PTPRA: variants seen among roughly 807,000 people sequenced by gnomAD.
PTPRA encodes receptor-type tyrosine-protein phosphatase alpha.
A neutral mutation model predicts 104.8 loss-of-function variants in PTPRA; 25 were observed. The observed-to-expected ratio is 0.24, with a 90% CI of 0.17 to 0.33. The LOEUF is 0.33. PTPRA is among the 10% of genes least tolerant of loss of function. The pLI, the probability that PTPRA is intolerant of heterozygous loss-of-function variation, is 1.00. For synonymous variants in PTPRA, 323 were observed against 368.9 expected (o/e 0.88, Z 1.43); for missense variants, 765 against 1,015.3 (o/e 0.75, Z 3.35).
chr20:2,888,485 G>A (rs145470179), intron 1 of PTPRA, among the ~76,000 whole-genome samples: 3,319 of 151,848 alleles, frequency 0.022, 104 homozygotes, highest in African/African-American at 0.063. Flanking sequence ...CTTAAGCCCA[G>A]GAGATCAAGG....
rs910575531 is a variant in PTPRA, at chr20:2,933,541, A to G, written c.-50+10256A>G. ...AGTGGTGCCATCTCTGCTCACTGCA[A>G]CCTCCACCTTCTGGGGTCAAATGAT... On this transcript the variant is annotated intron_variant, in intron 2 of 23. Coordinates refer to ENST00000399903, the MANE Select transcript of PTPRA (RefSeq NM_001385305.1). Among the ~76,000 whole-genome samples, 44 of 151,330 alleles carry G rather than the reference A, an allele frequency of 2.9e-4. 1 individual carries two copies. Among genetic ancestry groups the G allele is most frequent in the African/African-American group, 1.0e-3 (43 of 41,202 alleles).
intron 20 of PTPRA, among the ~76,000 whole-genome samples, chr20:3,032,198 T>C (rs1037493305): frequency 2.0e-5 from 3 of 152,066 alleles, no homozygotes; most frequent in Non-Finnish European, 2.9e-5. Flanking sequence ...CCAACTCTAT[T>C]CTCTCTTGTT....
At chr20:2,881,965 A>G (rs1052962161) in intron 1 of PTPRA, among the ~76,000 whole-genome samples, 4 of 152,084 alleles carry the variant, frequency 2.6e-5, no homozygotes, top group Non-Finnish European at 4.4e-5. Context: ...GCGCCGCTGT[A>G]CTCCAGCCTG....
At position 2,964,315 on chromosome 20, in the gene PTPRA, G is replaced by A. The variant is rs2061867507; in HGVS notation, c.38G>A (p.Gly13Asp). The change falls in exon 4 of 24, where the codon GGT becomes GAT. Residue 13 changes from glycine (G) to aspartate (D), a missense_variant. By Grantham distance (94) the Gly-to-Asp change is moderately conservative (BLOSUM62 -1). Around this residue, in one of 4 missense-constraint regions of PTPRA, gnomAD observed 256 missense variants for 248.9 expected, o/e 1.03. Transcript: ENST00000399903. The part of the protein sequence containing the change: ...SWFILVLLGS[G>D]LICVSANNAT... ...TTCATTCTTGTTCTGCTCGGCAGTGGTCTGATATGTGTCAGTGCCAACAAT... is the reference window on the plus strand; with the variant it reads ...TTCATTCTTGTTCTGCTCGGCAGTGATCTGATATGTGTCAGTGCCAACAAT... 6.2e-7 allele frequency: 1 copy of A among 1,608,962 alleles called. No individual in the cohort carries two copies. The highest frequency in any genetic ancestry group is 1.1e-5 in the South Asian group (1 of 89,644).
At chr20:2,943,151 G>T (rs896689040) in intron 2 of PTPRA, among the ~76,000 whole-genome samples, 2 of 150,748 alleles carry the variant, frequency 1.3e-5, no homozygotes, top group East Asian at 2.0e-4. Context: ...TACAGTTTAC[G>T]TAGGGTTCAG....
chr20:2,873,331 G>A (rs1006673390), upstream of PTPRA: 1 of 152,320 alleles, frequency 6.6e-6, no homozygotes, highest in East Asian at 1.9e-4. This position sits in a 1 kb window ranked among gnomAD's most constrained non-coding sequence, Gnocchi z 4.4. Flanking sequence ...CCAGGAGAAC[G>A]TGCGACCGGG....
chr20:2,977,655 A>G (rs796511165), intron 6 of PTPRA, among the ~76,000 whole-genome samples: 1 of 151,770 alleles, frequency 6.6e-6, no homozygotes, highest in East Asian at 1.9e-4. Context: ...AAAAAAAAAA[A>G]GGGCGGGGAT....
chr20:2,975,344 T>C, intron 6 of PTPRA, 103 bp downstream of exon 6: 1 of 1,055,296 alleles, frequency 9.5e-7, no homozygotes, highest in Non-Finnish European at 1.3e-6. Flanking sequence ...TCTGTGGCTG[T>C]GTTGTTTGTT....
chr20:2,976,788 A>C, intron 6 of PTPRA, among the ~76,000 whole-genome samples: 1 of 152,322 alleles, frequency 6.6e-6, no homozygotes, highest in East Asian at 1.9e-4. Context: ...TTGTATTATA[A>C]TCGGTTTGAT....
chr20:2,877,416 T>C (rs1223325271), intron 1 of PTPRA, among the ~76,000 whole-genome samples: 4 of 152,142 alleles, frequency 2.6e-5, no homozygotes, highest in African/African-American at 9.7e-5. Flanking sequence ...TGTGTCACTG[T>C]ACCTGGCTAA....
intron 2 of PTPRA, among the ~76,000 whole-genome samples, chr20:2,943,213 A>T (rs867079898): frequency 8.6e-6 from 1 of 116,518 alleles, no homozygotes; most frequent in African/African-American, 3.4e-5. Context: ...ATATCCCCCC[A>T]CCCCCCCCCC....
At chr20:2,906,558 C>T (rs1600092747) in intron 1 of PTPRA, among the ~76,000 whole-genome samples, 2 of 151,538 alleles carry the variant, frequency 1.3e-5, no homozygotes, top group South Asian at 2.1e-4. Context: ...AAATAATAAA[C>T]ACAATTTATT....
intron 1 of PTPRA, among the ~76,000 whole-genome samples, chr20:2,899,825 G>C (rs560671734): frequency 6.4e-4 from 97 of 152,180 alleles, no homozygotes; most frequent in South Asian, 1.0e-3. Context: ...AAAAATCTGA[G>C]GCCAGGCACA....
chr20:2,908,278 G>A (rs1271345484), intron 1 of PTPRA, among the ~76,000 whole-genome samples: 1 of 152,176 alleles, frequency 6.6e-6, no homozygotes, highest in African/African-American at 2.4e-5. Flanking sequence ...CAGACAGACA[G>A]TTGACTCCTT....
At chr20:2,954,746 G>A (rs942402715) in intron 3 of PTPRA, among the ~76,000 whole-genome samples, 1 of 152,070 alleles carries the variant, frequency 6.6e-6, no homozygotes, top group African/African-American at 2.4e-5. Flanking sequence ...TTGTGCTTTT[G>A]GTGTTATATC....
intron 13 of PTPRA, among the ~76,000 whole-genome samples, chr20:3,019,733 TGGA>T (rs1170698055): frequency 1.3e-5 from 2 of 151,486 alleles, no homozygotes; most frequent in Non-Finnish European, 2.9e-5. Context: ...TGCTGGGAGG[TGGA>T]GGTTGTAGCG....
chr20:2,884,030 A>G (rs2090227079), intron 1 of PTPRA, among the ~76,000 whole-genome samples: 2 of 152,112 alleles, frequency 1.3e-5, no homozygotes, highest in African/African-American at 4.8e-5. Context: ...TACTTAGCAT[A>G]ATGTTTCTGG....
In PTPRA at chr20:2,969,108, A is replaced by G. The variant is rs569653484; in HGVS notation, c.415+3906A>G. ...ATACTTGTAATCCCAGCTACTTGGG[A>G]GGCTGAGACATGAGAATTGCTTGAA... On this transcript the variant is annotated intron_variant, in intron 5 of 23. Transcript: ENST00000399903. Among the ~76,000 whole-genome samples, 9 of 151,980 alleles carry G rather than the reference A, an allele frequency of 5.9e-5. No individual in the cohort carries two copies. In the South Asian group the frequency reaches 6.2e-4, roughly 11 times the overall value.
intron 12 of PTPRA, among the ~76,000 whole-genome samples, chr20:3,016,505 T>C (rs1235324792): frequency 6.6e-6 from 1 of 152,210 alleles, no homozygotes; most frequent in African/African-American, 2.4e-5. Context: ...CCTAACACTT[T>C]GGGAGGCCAA....
Sources: allele counts gnomAD v4.1 joint callset (sites outside exome capture counted in the v4.1 genomes callset), GRCh38; gene constraint gnomAD v4.1.1; regional missense constraint gnomAD v4.1.1; non-coding constraint Gnocchi (gnomAD v3.1); transcripts MANE v1.5; gene names NCBI Gene and HGNC (gene_info 2026-07-23, HGNC 2026-07-21).